Variants in DLEC1 observed in about 807,000 individuals in gnomAD.
DLEC1 encodes the protein deleted in lung and esophageal cancer protein 1.
A neutral mutation model predicts 198.1 loss-of-function variants in DLEC1; 146 were observed. The observed-to-expected ratio is 0.74, with a 90% CI of 0.64 to 0.85. The LOEUF is 0.85. Among genes scored for constraint, DLEC1 ranks in the 40% least tolerant of loss-of-function variants. The pLI is 0.00. For synonymous variants in DLEC1, 897 were observed against 866.8 expected, an observed-to-expected ratio of 1.03 and a Z score of -0.61; for missense variants, 2,233 against 2,220.0, an observed-to-expected ratio of 1.01 and a Z score of -0.12.
intron 3 of DLEC1, among the ~76,000 whole-genome samples, chr3:38,060,437 C>T (rs1696619338): frequency 6.6e-6 from 1 of 152,076 alleles, no homozygotes; most frequent in East Asian, 1.9e-4. Context: ...GGGAGAAGTC[C>T]CTGTGTGGAT....
At position 38,039,584 on chromosome 3, in the gene DLEC1, C is replaced by T; in HGVS notation, c.359C>T (p.Ala120Val). Residue 120 changes from alanine (A) to valine (V), a missense_variant, in exon 1 of 37, where the codon GCC becomes GTC. By Grantham distance (64) the Ala-to-Val change is moderately conservative. Coordinates refer to ENST00000308059, the MANE Select transcript of DLEC1 (RefSeq NM_007335.4). ...GDEVSASLIKARGSENERHEE... is the reference protein window; with the variant it reads ...GDEVSASLIKVRGSENERHEE... ...GAAGTGAGCGCAAGCTTGATCAAGG[C>T]CCGCGGCAGCGAGAATGAGCGCCAC... 6.2e-7 allele frequency: 1 copy of T among 1,612,188 alleles called. No individual in the cohort carries two copies. Among genetic ancestry groups the T allele is most frequent in the Non-Finnish European group, 8.5e-7 (1 of 1,178,856 alleles).
chr3:38,095,524 A>G (rs1648546243), intron 13 of DLEC1: 1 of 314,322 alleles, frequency 3.2e-6, no homozygotes. Context: ...GGCCATTGTT[A>G]GTGGGTTTGG....
At chr3:38,101,156 A>C (rs1405502370) in intron 19 of DLEC1, among the ~76,000 whole-genome samples, 1 of 152,164 alleles carries the variant, frequency 6.6e-6, no homozygotes, top group African/African-American at 2.4e-5. Flanking sequence ...AATTATTTTC[A>C]AATAAAATAT....
At position 38,108,401 on chromosome 3, in the gene DLEC1, C is replaced by T. The variant is rs749104617; in HGVS notation, c.3019-4C>T. On this transcript the variant is annotated splice_polypyrimidine_tract_variant and splice_region_variant and intron_variant, in intron 20 of 36. Transcript: ENST00000308059. ...GACAACAGGCTCACTCATGTGTCTGCCAGCTCCTCGGACACCAAGCAGAAT... is the reference window on the plus strand; with the variant it reads ...GACAACAGGCTCACTCATGTGTCTGTCAGCTCCTCGGACACCAAGCAGAAT... The T allele has an allele frequency of 4.7e-5, 75 of 1,612,892 alleles. 1 individual carries two copies.
chr3:38,115,107 T>G lies in DLEC1; in HGVS notation c.3856+54T>G. 1.9e-6 allele frequency: 3 copies of G among 1,593,106 alleles called. No individual in the cohort carries two copies. In the South Asian group the frequency reaches 3.4e-5, roughly 18 times the overall value. On this transcript the variant is annotated intron_variant, in intron 27 of 36. Coordinates refer to ENST00000308059, the MANE Select transcript of DLEC1 (RefSeq NM_007335.4). ...TCTTGCCACAGGCTGTGCCTTGTGG[T>G]GAGCCAGGCTGGGAGGGAAGGTGGG...
chr3:38,083,400 GC>G lies in DLEC1; in HGVS notation c.1174-757del, dbSNP rs563776295. Reference sequence around the variant, plus strand: ...GGGTTGCAAAGTACTCAGTGGGGGAGCTTTTTGAGCCAGGATTGGCCAGGAA... The same window carrying G: ...GGGTTGCAAAGTACTCAGTGGGGGAGTTTTTGAGCCAGGATTGGCCAGGAA... On this transcript the variant is annotated intron_variant, in intron 6 of 36. Coordinates refer to ENST00000308059, the MANE Select transcript of DLEC1 (RefSeq NM_007335.4). 7.2e-5 allele frequency among the ~76,000 whole-genome samples: 11 copies of G among 152,220 alleles called. No homozygotes were observed. In the South Asian group the frequency reaches 1.9e-3, roughly 26 times the overall value.
intron 19 of DLEC1, among the ~76,000 whole-genome samples, chr3:38,105,069 ATG>A (rs1423534058): frequency 7.2e-5 from 11 of 152,018 alleles, no homozygotes; most frequent in Non-Finnish European, 1.2e-4. Context: ...TTGTTTATGA[ATG>A]TGTTATTTAA....
At chr3:38,073,467 G>C (rs1697435029) in intron 6 of DLEC1, among the ~76,000 whole-genome samples, 1 of 152,154 alleles carries the variant, frequency 6.6e-6, no homozygotes, top group South Asian at 2.1e-4. Context: ...ATAGGCATGT[G>C]ATCAGTTGCC....
rs752524262 is a variant in DLEC1 at position 38,112,200 on chromosome 3, T to A, written c.3515-10T>A. On this transcript the variant is annotated splice_polypyrimidine_tract_variant and intron_variant, in intron 24 of 36. Transcript: ENST00000308059. The surrounding 1 kb of genome is among the most constrained non-coding windows in gnomAD (Gnocchi z 4.8). ...CCCGTGAATCCCCCACAGTCGCGGT[T>A]CTTTCCCAGATTTTATGGAGAGCAT... The A allele has an allele frequency of 1.9e-6, 3 of 1,614,080 alleles. No homozygotes were observed. Among genetic ancestry groups the A allele is most frequent in the Non-Finnish European group, 2.5e-6 (3 of 1,179,972 alleles).
chr3:38,045,607 C>T lies in DLEC1; in HGVS notation c.476C>T (p.Ala159Val). The change falls in exon 2 of 37, where the codon GCC (alanine) becomes GTC (valine). Residue 159 changes from alanine to valine, a missense_variant. Ala to Val is a moderately conservative substitution (Grantham distance 64, BLOSUM62 0). Transcript: ENST00000308059. ...FEMLERHITQ[A>V]QARAIAENER... is the part of the protein sequence containing the mutation. ...ATGTTGGAGAGACATATCACTCAGG[C>T]CCAAGCACGGGCTATTGCGGAAAAT... The T allele has an allele frequency of 6.2e-7, 1 of 1,614,132 alleles. No individual in the cohort carries two copies. Among genetic ancestry groups the T allele is most frequent in the East Asian group, 2.2e-5 (1 of 44,874 alleles).
chr3:38,039,370 C>T lies in DLEC1; in HGVS notation c.145C>T (p.Leu49Phe). ...CTGGAAGTCCTCCTTGTATTCCTCC[C>T]TCGCCTACTCTGAGGCCTTCCACTA... ...PTWKSSLYSS[L>F]AYSEAFHYSF... is the part of the protein sequence containing the mutation. Residue 49 changes from leucine (L) to phenylalanine (F), a missense_variant, in exon 1 of 37, where the codon CTC (leucine) becomes TTC (phenylalanine). Physicochemically the swap from Leu to Phe is conservative, Grantham distance 22 (BLOSUM62 0). Coordinates refer to ENST00000308059, the MANE Select transcript of DLEC1 (RefSeq NM_007335.4). 6.2e-7 allele frequency: 1 copy of T among 1,614,230 alleles called. No homozygotes were observed.
chr3:38,079,038 AG>A (rs1697801527), intron 6 of DLEC1, among the ~76,000 whole-genome samples: 2 of 152,148 alleles, frequency 1.3e-5, no homozygotes, highest in South Asian at 4.1e-4. Context: ...GAGCGGGGTA[AG>A]GGTGATTAGG....
intron 2 of DLEC1, among the ~76,000 whole-genome samples, chr3:38,048,911 A>G (rs915062231): frequency 2.6e-5 from 4 of 152,092 alleles, no homozygotes; most frequent in African/African-American, 4.8e-5. Flanking sequence ...CCCTCCCTCA[A>G]TGGTGGCCCA....
chr3:38,121,481 A>T, intron 34 of DLEC1, 147 bp from the exon 35 acceptor site: 1 of 939,016 alleles, frequency 1.1e-6, no homozygotes, highest in Non-Finnish European at 1.6e-6. Context: ...GTGGCCTTTT[A>T]AGGTGGCGCT....
At chr3:38,073,764 G>A (rs373879321) in intron 6 of DLEC1, among the ~76,000 whole-genome samples, 1 of 152,154 alleles carries the variant, frequency 6.6e-6, no homozygotes, top group African/African-American at 2.4e-5. Context: ...AGTTATTGGG[G>A]CTAGGGAAAC....
chr3:38,091,552 A>G (rs754100254), intron 10 of DLEC1, among the ~76,000 whole-genome samples: 5 of 152,348 alleles, frequency 3.3e-5, no homozygotes, highest in Admixed American at 6.5e-5. Flanking sequence ...TCTACACAGC[A>G]AAGGAAACAA....
intron 23 of DLEC1, among the ~76,000 whole-genome samples, chr3:38,111,243 T>C (rs748239408): frequency 5.9e-5 from 9 of 152,244 alleles, no homozygotes; most frequent in Non-Finnish European, 1.2e-4. Flanking sequence ...AGGCATTAAC[T>C]TTCTATTGTG....
At chr3:38,120,369 A>T in intron 33 of DLEC1, 79 bp from the exon 34 acceptor site, 1 of 1,541,950 alleles carries the variant, frequency 6.5e-7, no homozygotes, top group African/African-American at 1.4e-5. Context: ...CTGGGAGGAA[A>T]GGAGGATGGA....
chr3:38,115,631 CT>C (rs1417681280), intron 27 of DLEC1, among the ~76,000 whole-genome samples: 10 of 151,876 alleles, frequency 6.6e-5, no homozygotes. Flanking sequence ...ATGCCTGCCC[CT>C]GAGGAGAGCT....
Sources: allele counts gnomAD v4.1 joint callset (sites outside exome capture counted in the v4.1 genomes callset), GRCh38; gene constraint gnomAD v4.1.1; non-coding constraint Gnocchi (gnomAD v3.1); transcripts MANE v1.5; gene names NCBI Gene and HGNC (gene_info 2026-07-23, HGNC 2026-07-21).